The following TAFA2 variants were observed in gnomAD, a reference collection of about 807,000 sequenced individuals.
The protein encoded by TAFA2 is chemokine-like protein TAFA-2.
In TAFA2, 7 loss-of-function variants were observed where a neutral mutation model predicts 18.8. That is an observed-to-expected ratio of 0.37 (90% CI 0.21 to 0.70). The LOEUF (loss-of-function observed/expected upper bound fraction) is 0.70. TAFA2 is among the 30% of genes least tolerant of loss of function. The pLI is 0.53. For missense variants in TAFA2, 122 were observed against 158.1 expected (o/e 0.77, Z 1.23); for synonymous variants, 60 against 54.2 (o/e 1.11, Z -0.47).
intron 1 of TAFA2, chr12:61,880,397 G>A (rs1014090830): frequency 1.3e-5 from 7 of 533,776 alleles, no homozygotes; most frequent in South Asian, 5.6e-5. Flanking sequence ...GCTGGAGGCC[G>A]CCCTGCAGTG....
At chr12:62,193,651 G>A (rs1380659676), upstream of TAFA2, among the ~76,000 whole-genome samples, 1 of 152,086 alleles carries the variant, frequency 6.6e-6, no homozygotes, top group Admixed American at 6.5e-5. Flanking sequence ...TAGCTCCACC[G>A]ATTTTATAAA....
intron 2 of TAFA2, among the ~76,000 whole-genome samples, chr12:61,809,362 A>C (rs1871764417): frequency 6.6e-6 from 1 of 151,588 alleles, no homozygotes. Context: ...TGGGAAAATA[A>C]ATAAACTGTT....
At chr12:62,237,636 T>C (rs1377089804) in intron 1 of TAFA2, among the ~76,000 whole-genome samples, 1 of 152,240 alleles carries the variant, frequency 6.6e-6, no homozygotes, top group Non-Finnish European at 1.5e-5. Flanking sequence ...GAATAATTTA[T>C]TCTAGTCTTT....
intron 2 of TAFA2, among the ~76,000 whole-genome samples, chr12:61,778,274 A>G (rs1389157639): frequency 6.6e-6 from 1 of 151,750 alleles, no homozygotes; most frequent in East Asian, 1.9e-4. Context: ...CTCGAGCCTA[A>G]GGGGCAAGGA....
intron 1 of TAFA2, among the ~76,000 whole-genome samples, chr12:61,979,970 C>T (rs967697528): frequency 1.3e-5 from 2 of 152,126 alleles, no homozygotes; most frequent in Non-Finnish European, 2.9e-5. Flanking sequence ...TGCTGTGTCC[C>T]ATAAAACTAT....
intron 1 of TAFA2, among the ~76,000 whole-genome samples, chr12:62,099,575 A>G (rs1869098908): frequency 2.6e-5 from 4 of 152,198 alleles, no homozygotes. Flanking sequence ...TAGGATGTGC[A>G]TTATAAATTT....
intron 2 of TAFA2, among the ~76,000 whole-genome samples, chr12:61,788,164 A>G (rs1870816622): frequency 6.6e-6 from 1 of 151,710 alleles, no homozygotes; most frequent in African/African-American, 2.4e-5. Context: ...ACAATTATAA[A>G]TATATATGCA....
At chr12:61,963,194 G>A (rs118086090) in intron 1 of TAFA2, among the ~76,000 whole-genome samples, 10,124 of 152,002 alleles carry the variant, frequency 0.067, 453 homozygotes, top group Non-Finnish European at 0.1. Context: ...ATACATGTAC[G>A]TGTCTTTATA....
intron 1 of TAFA2, among the ~76,000 whole-genome samples, chr12:61,952,157 G>A (rs1384074617): frequency 6.6e-6 from 1 of 152,014 alleles, no homozygotes; most frequent in East Asian, 1.9e-4. Flanking sequence ...CATCTGTTTA[G>A]GTGATGACTG....
chr12:62,126,056 CCA>C (rs1870445406), intron 1 of TAFA2, among the ~76,000 whole-genome samples: 1 of 151,984 alleles, frequency 6.6e-6, no homozygotes. Context: ...CATTTGAAAA[CCA>C]GTTGTCTTAG....
At chr12:62,258,662 C>T in intron 1 of TAFA2, 2 of 246,798 alleles carry the variant, frequency 8.1e-6, no homozygotes, top group Middle Eastern at 1.0e-3. Flanking sequence ...ATTTAATCTT[C>T]ATAAAAATCC....
intron 2 of TAFA2, among the ~76,000 whole-genome samples, chr12:61,845,334 A>G (rs949822677): frequency 6.6e-6 from 1 of 152,062 alleles, no homozygotes; most frequent in African/African-American, 2.4e-5. Flanking sequence ...AATTTACTCA[A>G]TCAGAGACAC....
chr12:61,812,160 G>T (rs1592405426), intron 2 of TAFA2, among the ~76,000 whole-genome samples: 1 of 151,372 alleles, frequency 6.6e-6, no homozygotes, highest in African/African-American at 2.5e-5. Flanking sequence ...CAGCACAGAT[G>T]CAATTCCTAG....
In TAFA2 at chr12:62,235,848, C is replaced by T. The variant is rs189182073; in HGVS notation, c.-130+22915G>A. Among the ~76,000 whole-genome samples, 515 of 152,044 alleles carry T rather than the reference C, an allele frequency of 3.4e-3. 4 individuals carry two copies. Among genetic ancestry groups the T allele is most frequent in the Non-Finnish European group, 5.2e-3 (350 of 67,950 alleles). On this transcript the variant is annotated intron_variant, in intron 1 of 5. Coordinates refer to the TAFA2 transcript ENST00000551619. ...CCTTCCACCTTAGCCTCCTGAGTAG[C>T]TGGGACTACGGGTTCATGGCACTGC...
rs375412161 is a variant in TAFA2 at position 62,165,742 on chromosome 12, C to T, written c.-2+25517G>A. ...TTCCTTCCCATTTCCACTGACATCA[C>T]ATCAGTTCAGTTTCTCACCACCAAG... is the stretch of plus-strand genomic sequence containing the variant. On this transcript the variant is annotated intron_variant, in intron 1 of 4. Transcript: ENST00000416284. 2.6e-5 allele frequency among the ~76,000 whole-genome samples: 4 copies of T among 152,058 alleles called. No individual in the cohort carries two copies. The East Asian group carries it at 7.7e-4, about 29-fold the overall frequency.
chr12:61,998,097 A>T (rs1592538955), intron 1 of TAFA2, among the ~76,000 whole-genome samples: 2 of 152,284 alleles, frequency 1.3e-5, no homozygotes, highest in Admixed American at 1.3e-4. Context: ...AAAAAATCAC[A>T]AGGAATTTGA....
chr12:61,793,619 G>A (rs1871074075), intron 2 of TAFA2, among the ~76,000 whole-genome samples: 2 of 151,698 alleles, frequency 1.3e-5, no homozygotes, highest in Non-Finnish European at 3.0e-5. Flanking sequence ...TTCCCACTAT[G>A]AGAATTCTAG....
chr12:62,048,894 G>T (rs1881978381), intron 1 of TAFA2, among the ~76,000 whole-genome samples: 1 of 152,128 alleles, frequency 6.6e-6, no homozygotes, highest in South Asian at 2.1e-4. Flanking sequence ...CAAAGGAGAG[G>T]AATATGTCAT....
intron 2 of TAFA2, among the ~76,000 whole-genome samples, chr12:61,858,245 T>C (rs1190007090): frequency 6.6e-6 from 1 of 152,222 alleles, no homozygotes; most frequent in East Asian, 1.9e-4. Flanking sequence ...GATACTATCA[T>C]GCTTCCTTAT....
Sources: allele counts gnomAD v4.1 joint callset (sites outside exome capture counted in the v4.1 genomes callset), GRCh38; gene constraint gnomAD v4.1.1; transcripts MANE v1.5; gene names NCBI Gene and HGNC (gene_info 2026-07-23, HGNC 2026-07-21).